INPP4B: variants seen among roughly 807,000 people sequenced by gnomAD.
INPP4B encodes inositol polyphosphate-4-phosphatase type II B.
INPP4B carries 55 observed loss-of-function variants against 122.5 expected under a neutral mutation model. The observed-to-expected ratio is 0.45, with a 90% confidence interval of 0.36 to 0.56. INPP4B has a LOEUF of 0.56. Among genes scored for constraint, INPP4B ranks in the 20% least tolerant of loss-of-function variants. INPP4B has a pLI of 0.00. For synonymous variants in INPP4B, 403 were observed against 388.7 expected, an observed-to-expected ratio of 1.04 and a Z score of -0.43; for missense variants, 1,000 against 1,097.7, an observed-to-expected ratio of 0.91 and a Z score of 1.26.
chr4:142,397,127 C>T (rs1410204296), intron 7 of INPP4B, among the ~76,000 whole-genome samples: 1 of 152,160 alleles, frequency 6.6e-6, no homozygotes, highest in African/African-American at 2.4e-5. Flanking sequence ...TCCTACTTAT[C>T]AACAAGGAAA....
intron 2 of INPP4B, among the ~76,000 whole-genome samples, chr4:142,616,394 A>G (rs1363474724): frequency 6.6e-6 from 1 of 152,174 alleles, no homozygotes; most frequent in Non-Finnish European, 1.5e-5. Flanking sequence ...AGAGAGAGGG[A>G]GGCAAGACAA....
intron 2 of INPP4B, among the ~76,000 whole-genome samples, chr4:142,645,621 T>A (rs963255918): frequency 1.3e-5 from 2 of 152,188 alleles, no homozygotes; most frequent in Non-Finnish European, 2.9e-5. Context: ...GAGATATTTT[T>A]AGCCCACGAG....
At chr4:142,771,349 C>T (rs75716041) in intron 1 of INPP4B, among the ~76,000 whole-genome samples, 10,644 of 152,032 alleles carry the variant, frequency 0.07, 408 homozygotes, top group Middle Eastern at 0.14. Context: ...AGTTTTAAAA[C>T]GGGAATGTTA....
At chr4:142,198,965 G>A (rs1283226610) in intron 14 of INPP4B, among the ~76,000 whole-genome samples, 1 of 151,856 alleles carries the variant, frequency 6.6e-6, no homozygotes, top group Non-Finnish European at 1.5e-5. Context: ...TTCCTACATA[G>A]AGATCTTTGT....
At chr4:142,295,218 T>C (rs577406963) in intron 9 of INPP4B, among the ~76,000 whole-genome samples, 37 of 152,328 alleles carry the variant, frequency 2.4e-4, no homozygotes, top group African/African-American at 8.4e-4. Context: ...AAAAAGAATC[T>C]GTCAATGAAC....
chr4:142,216,380 G>A (rs1847261389), intron 12 of INPP4B, among the ~76,000 whole-genome samples: 1 of 152,070 alleles, frequency 6.6e-6, no homozygotes, highest in Admixed American at 6.6e-5. Context: ...CACTTTTTGG[G>A]ACTTACTTCC....
At position 142,025,473 on chromosome 4, in the gene INPP4B, G is replaced by C. The variant is rs998485277; in HGVS notation, c.*3309C>G. The C allele has an allele frequency of 6.6e-6, 1 of 152,028 alleles. No individual in the cohort carries two copies. The highest frequency in any genetic ancestry group is 2.4e-5 in the African/African-American group (1 of 41,402). 9.4% of individuals were successfully genotyped at this position (152,028 alleles called of 1,614,324 possible). A position where few individuals can be genotyped will look rare whatever the true frequency, so the allele number is the denominator to read the frequency against. ...TTAACAACTAGCTTACAAAATTTCT[G>C]GTACTTTAATTATCAACTTTTATGC... On this transcript the variant is annotated 3_prime_UTR_variant, in exon 26 of 26. Transcript: ENST00000262992.
rs532038366 is a variant in INPP4B, at chr4:142,658,479, A to T, written c.-191+67360T>A. On this transcript the variant is annotated intron_variant, in intron 2 of 25. Coordinates refer to ENST00000262992, the MANE Select transcript of INPP4B (RefSeq NM_001101669.3). ...TAGTCAAGGAAACTTATTTTGAATG[A>T]TTTACAGCCTTTAAGAATTAAGCAA... Among the ~76,000 whole-genome samples, 10 of 152,216 alleles carry T rather than the reference A, an allele frequency of 6.6e-5. No individual in the cohort carries two copies. The South Asian group carries it at 8.3e-4, about 13-fold the overall frequency.
chr4:142,648,563 A>T (rs1008028741), intron 2 of INPP4B, among the ~76,000 whole-genome samples: 8 of 152,106 alleles, frequency 5.3e-5, no homozygotes, highest in African/African-American at 1.7e-4. Context: ...AACCTTAATC[A>T]CTGCCAGTGC....
chr4:142,106,821 G>A (rs888964056), intron 23 of INPP4B, among the ~76,000 whole-genome samples: 3 of 152,064 alleles, frequency 2.0e-5, no homozygotes, highest in Non-Finnish European at 2.9e-5. Context: ...TGCTGATGCC[G>A]CTGGCCTGGG....
At chr4:142,208,034 AC>A (rs1476884075) in intron 14 of INPP4B, among the ~76,000 whole-genome samples, 2 of 152,124 alleles carry the variant, frequency 1.3e-5, no homozygotes, top group Non-Finnish European at 2.9e-5. Flanking sequence ...TCAAAAAAAA[AC>A]CTGGCATATT....
At chr4:142,548,860 C>T (rs1727315835) in intron 2 of INPP4B, among the ~76,000 whole-genome samples, 1 of 151,880 alleles carries the variant, frequency 6.6e-6, no homozygotes, top group Non-Finnish European at 1.5e-5. Context: ...CTTAAAAGCA[C>T]ATTAAACATA....
intron 7 of INPP4B, among the ~76,000 whole-genome samples, chr4:142,373,813 A>T (rs1407650557): frequency 6.6e-6 from 1 of 152,012 alleles, no homozygotes; most frequent in Non-Finnish European, 1.5e-5. Context: ...TTCCCAGTTG[A>T]GAGCTTTCCT....
At chr4:142,186,995 T>G (rs1257453397) in intron 15 of INPP4B, among the ~76,000 whole-genome samples, 1 of 152,114 alleles carries the variant, frequency 6.6e-6, no homozygotes, top group Non-Finnish European at 1.5e-5. Context: ...AAGAGAAACC[T>G]GGTGGGCAGT....
chr4:142,776,243 GCTC>G (rs1773898742), intron 1 of INPP4B, among the ~76,000 whole-genome samples: 1 of 152,158 alleles, frequency 6.6e-6, no homozygotes, highest in Non-Finnish European at 1.5e-5. Context: ...GTTGAGTGTA[GCTC>G]ATAGAGGAAG....
At chr4:142,438,081 G>A (rs780863344) in intron 3 of INPP4B, among the ~76,000 whole-genome samples, 6 of 152,100 alleles carry the variant, frequency 3.9e-5, no homozygotes, top group South Asian at 2.1e-4. Flanking sequence ...AACATTCCAC[G>A]CTCATGGATA....
chr4:142,833,299 T>C (rs1391410960), intron 1 of INPP4B, among the ~76,000 whole-genome samples: 2 of 152,086 alleles, frequency 1.3e-5, no homozygotes, highest in Non-Finnish European at 2.9e-5. Flanking sequence ...TAGAGTCAAT[T>C]GAGTGTACTT....
intron 2 of INPP4B, among the ~76,000 whole-genome samples, chr4:142,640,069 C>A (rs1045286861): frequency 6.6e-6 from 1 of 151,802 alleles, no homozygotes; most frequent in Non-Finnish European, 1.5e-5. Flanking sequence ...GAATACTAAC[C>A]TAGAAAGGAT....
chr4:142,633,849 C>T (rs960867644), intron 2 of INPP4B, among the ~76,000 whole-genome samples: 1 of 151,820 alleles, frequency 6.6e-6, no homozygotes, highest in Non-Finnish European at 1.5e-5. Context: ...CCTAAAAACC[C>T]ATTAAAAGAT....
Sources: gnomAD v4.1 joint callset for allele counts (sites outside exome capture counted in the v4.1 genomes callset) on GRCh38, gnomAD v4.1.1 for gene constraint, MANE v1.5 for transcripts, NCBI Gene and HGNC (gene_info 2026-07-23, HGNC 2026-07-21) for gene names.